KCNK2: variants seen among roughly 807,000 people sequenced by gnomAD.
KCNK2 encodes potassium two pore domain channel subfamily K member 2.
Under a neutral mutation model 40.5 loss-of-function variants are expected in KCNK2, and 21 were observed. That is an observed-to-expected ratio of 0.52 (90% CI 0.37 to 0.75). The LOEUF (loss-of-function observed/expected upper bound fraction) is 0.75. Ranked by LOEUF, KCNK2 falls within the 30% of genes least tolerant of loss-of-function variation. The probability of loss-of-function intolerance (pLI) is 0.00; values close to 1 mark genes in which losing one functional copy is unlikely to be tolerated. For missense variants in KCNK2, 399 were observed against 531.6 expected (o/e 0.75, Z 2.45); for synonymous variants, 191 against 202.2 (o/e 0.94, Z 0.47).
chr1:215,043,352 T>G (rs1657632545), intron 1 of KCNK2, among the ~76,000 whole-genome samples: 1 of 152,224 alleles, frequency 6.6e-6, no homozygotes, highest in Non-Finnish European at 1.5e-5. Flanking sequence ...TACACCATGT[T>G]CATAACAGCA....
At chr1:215,221,305 C>T (rs897562966) in intron 6 of KCNK2, among the ~76,000 whole-genome samples, 1 of 151,934 alleles carries the variant, frequency 6.6e-6, no homozygotes, top group Non-Finnish European at 1.5e-5. Context: ...ACTGGGGAAG[C>T]GGAGGTTGCA....
intron 6 of KCNK2, among the ~76,000 whole-genome samples, chr1:215,222,081 C>G (rs1051790792): frequency 2.6e-5 from 4 of 152,014 alleles, no homozygotes; most frequent in African/African-American, 9.7e-5. Context: ...TTTTAAATGA[C>G]CAGATCTCGT....
chr1:215,023,161 A>G (rs1656868250), intron 1 of KCNK2, among the ~76,000 whole-genome samples: 1 of 152,180 alleles, frequency 6.6e-6, no homozygotes, highest in Non-Finnish European at 1.5e-5. Context: ...TCCTTTCCAA[A>G]AAATCCCTTC....
intron 2 of KCNK2, among the ~76,000 whole-genome samples, chr1:215,087,018 A>G (rs141855800): frequency 6.0e-4 from 92 of 152,174 alleles, no homozygotes; most frequent in African/African-American, 1.8e-3. Context: ...GTGGACATCC[A>G]TGGGGTTGGG....
At chr1:215,219,368 TA>T (rs1483258722) in intron 6 of KCNK2, among the ~76,000 whole-genome samples, 1 of 152,248 alleles carries the variant, frequency 6.6e-6, no homozygotes, top group Non-Finnish European at 1.5e-5. Flanking sequence ...GTTTAAATAA[TA>T]CATTCTTCAT....
At chr1:215,117,651 C>T (rs551239135) in intron 2 of KCNK2, among the ~76,000 whole-genome samples, 2 of 152,224 alleles carry the variant, frequency 1.3e-5, no homozygotes, top group South Asian at 4.1e-4. Flanking sequence ...CTAGTGTTAG[C>T]ATTAACTGAG....
chr1:215,102,464 TA>T (rs567195114), intron 2 of KCNK2, among the ~76,000 whole-genome samples: 10 of 151,998 alleles, frequency 6.6e-5, no homozygotes, highest in African/African-American at 1.9e-4. Context: ...GTCAAAATGT[TA>T]AAAAAAATTT....
chr1:215,039,888 G>T (rs775234964), intron 1 of KCNK2, among the ~76,000 whole-genome samples: 1 of 152,056 alleles, frequency 6.6e-6, no homozygotes, highest in African/African-American at 2.4e-5. Context: ...TTTTCCTATC[G>T]TTGTTTGTTG....
chr1:215,009,515 G>A (rs1282138116), intron 1 of KCNK2, among the ~76,000 whole-genome samples: 1 of 151,848 alleles, frequency 6.6e-6, no homozygotes, highest in East Asian at 1.9e-4. Flanking sequence ...TTCATTTGCT[G>A]CATAATGTGA....
intron 3 of KCNK2, among the ~76,000 whole-genome samples, chr1:215,130,821 G>T (rs937920910): frequency 1.4e-4 from 22 of 151,964 alleles, no homozygotes; most frequent in Non-Finnish European, 1.6e-4. Flanking sequence ...TGCTTTAGAG[G>T]GCTTAGCGTT....
chr1:215,115,238 CTTT>C (rs950252454), intron 2 of KCNK2, among the ~76,000 whole-genome samples: 1 of 151,968 alleles, frequency 6.6e-6, no homozygotes, highest in African/African-American at 2.4e-5. Flanking sequence ...AAAACACTTT[CTTT>C]TTGTTTAAAC....
chr1:215,084,797 A>C (rs1377616587), intron 1 of KCNK2, among the ~76,000 whole-genome samples: 2 of 152,166 alleles, frequency 1.3e-5, no homozygotes, highest in African/African-American at 4.8e-5. Flanking sequence ...TGTACATGGA[A>C]TCTCCACTTG....
intron 6 of KCNK2, among the ~76,000 whole-genome samples, chr1:215,204,574 G>A (rs1199879992): frequency 6.6e-6 from 1 of 151,980 alleles, no homozygotes; most frequent in African/African-American, 2.4e-5. Flanking sequence ...AGGAAAAGTG[G>A]CCACCATGAA....
At chr1:215,080,762 GA>G (rs1215439980), upstream of KCNK2, among the ~76,000 whole-genome samples, 2 of 152,180 alleles carry the variant, frequency 1.3e-5, no homozygotes, top group South Asian at 4.1e-4. Flanking sequence ...GGATTCCAGG[GA>G]AATTTCTGGG....
intron 2 of KCNK2, among the ~76,000 whole-genome samples, chr1:215,108,338 A>T (rs963913714): frequency 6.6e-6 from 1 of 152,188 alleles, no homozygotes; most frequent in Non-Finnish European, 1.5e-5. Flanking sequence ...ATCATTTTAT[A>T]TAAGGCACTT....
Position 215,083,171 on chromosome 1 carries a change from C to T in KCNK2, c.-215C>T, listed in dbSNP as rs978248553. On this transcript the variant is annotated 5_prime_UTR_variant, in exon 1 of 7. Transcript: ENST00000444842. ...CAGCCCGCCGGTGTCCCCTCCTTCC[C>T]GCGATTTCGTTTCTTCTCACGCTCC... 4 of 1,092,028 alleles carry T rather than the reference C, an allele frequency of 3.7e-6. No homozygotes were observed. Among genetic ancestry groups the T allele is most frequent in the African/African-American group, 1.6e-5 (1 of 64,316 alleles). The allele number at this position is 1,092,028 out of a possible 1,614,324, so 67.6% of individuals were successfully genotyped here.
chr1:215,080,548 C>G (rs143825871), upstream of KCNK2, among the ~76,000 whole-genome samples: 1 of 152,098 alleles, frequency 6.6e-6, no homozygotes, highest in Non-Finnish European at 1.5e-5. Context: ...GTAGGAATAA[C>G]GATTTCACTC....
At chr1:215,119,422 G>A (rs1661083782) in intron 2 of KCNK2, among the ~76,000 whole-genome samples, 1 of 152,128 alleles carries the variant, frequency 6.6e-6, no homozygotes, top group Non-Finnish European at 1.5e-5. Context: ...AAATCAAGAT[G>A]TTCCATAATT....
intron 3 of KCNK2, among the ~76,000 whole-genome samples, chr1:215,165,660 T>G (rs1292252580): frequency 6.6e-6 from 1 of 152,158 alleles, no homozygotes; most frequent in Admixed American, 6.6e-5. Flanking sequence ...CAATGAAGTA[T>G]GTAGTAACAA....
Sources: allele counts gnomAD v4.1 joint callset (sites outside exome capture counted in the v4.1 genomes callset), GRCh38; gene constraint gnomAD v4.1.1; transcripts MANE v1.5; gene names NCBI Gene and HGNC (gene_info 2026-07-23, HGNC 2026-07-21).